EML1: variants seen among roughly 807,000 people sequenced by gnomAD.
EML1 encodes EMAP like 1.
A neutral mutation model predicts 110.4 loss-of-function variants in EML1; 27 were observed. That is an observed-to-expected ratio of 0.24 (90% CI 0.18 to 0.34). EML1 has a LOEUF of 0.34. Among genes scored for constraint, EML1 ranks in the 10% least tolerant of loss-of-function variants. EML1 has a pLI of 1.00. For missense variants in EML1, 741 were observed against 1,030.9 expected, an observed-to-expected ratio of 0.72 and a Z score of 3.85; for synonymous variants, 344 against 385.8, an observed-to-expected ratio of 0.89 and a Z score of 1.27.
intron 1 of EML1, among the ~76,000 whole-genome samples, chr14:99,844,077 C>G (rs921988664): frequency 1.3e-5 from 2 of 152,186 alleles, no homozygotes; most frequent in Non-Finnish European, 2.9e-5. Flanking sequence ...CACTTAAGGA[C>G]AGTCTCTTTC....
chr14:99,831,927 T>G (rs1375006594), intron 1 of EML1, among the ~76,000 whole-genome samples: 5 of 152,152 alleles, frequency 3.3e-5, no homozygotes, highest in Non-Finnish European at 5.9e-5. Flanking sequence ...CTGAGCATAT[T>G]TAAATGAACA....
intron 1 of EML1, chr14:99,838,918 C>CGCGTGTGTGT (rs3071409): frequency 4.5e-4 from 15 of 33,644 alleles, no homozygotes; most frequent in African/African-American, 1.2e-3. Flanking sequence ...CGCGCGCGCG[C>CGCGTGTGTGT]GTGTGTGTGT....
intron 1 of EML1, among the ~76,000 whole-genome samples, chr14:99,803,579 A>G (rs1257687903): frequency 1.3e-5 from 2 of 152,188 alleles, no homozygotes; most frequent in Admixed American, 6.5e-5. Flanking sequence ...TTGCTGCTGA[A>G]TGCCTCTCGC....
intron 4 of EML1, among the ~76,000 whole-genome samples, chr14:99,890,245 T>C (rs1361112469): frequency 1.3e-5 from 2 of 152,208 alleles, no homozygotes; most frequent in Admixed American, 1.3e-4. Flanking sequence ...GTTTATTTCC[T>C]GTGTCGTCTT....
At chr14:99,787,921 C>T (rs751236483) in intron 1 of EML1, among the ~76,000 whole-genome samples, 2 of 152,196 alleles carry the variant, frequency 1.3e-5, no homozygotes, top group Non-Finnish European at 2.9e-5. Flanking sequence ...CAAGTAAGGT[C>T]ACATTCTGAG....
intron 8 of EML1, chr14:99,899,489 G>C (rs982340693): frequency 5.1e-4 from 77 of 151,846 alleles, no homozygotes; most frequent in African/African-American, 1.7e-3. Context: ...GTTAATTTTT[G>C]TATTTTTGGT....
At chr14:99,796,936 T>TGTGTGTGTGTGTGA (rs368044152) in intron 1 of EML1, among the ~76,000 whole-genome samples, 2 of 150,030 alleles carry the variant, frequency 1.3e-5, no homozygotes, top group African/African-American at 2.5e-5. Flanking sequence ...TGTGTGTGTG[T>TGTGTGTGTGTGTGA]GAGAGAGTAA....
chr14:99,814,301 C>T (rs1386685374), intron 1 of EML1, among the ~76,000 whole-genome samples: 9 of 152,302 alleles, frequency 5.9e-5, no homozygotes, highest in Non-Finnish European at 8.8e-5. Context: ...GACCAGATCT[C>T]GCTTTGTCAC....
At chr14:99,925,249 T>TA (rs2060212861) in intron 17 of EML1, among the ~76,000 whole-genome samples, 2 of 152,036 alleles carry the variant, frequency 1.3e-5, no homozygotes, top group African/African-American at 4.8e-5. Context: ...CTTTACTTCT[T>TA]ACAAGTCTAT....
chr14:99,756,952 C>T (rs978488935), intron 1 of EML1, among the ~76,000 whole-genome samples: 1 of 152,140 alleles, frequency 6.6e-6, no homozygotes, highest in Non-Finnish European at 1.5e-5. Flanking sequence ...TGCTCCTGTG[C>T]CCACAATGAC....
At chr14:99,777,625 G>C (rs2140210831) in intron 1 of EML1, among the ~76,000 whole-genome samples, 1 of 152,188 alleles carries the variant, frequency 6.6e-6, no homozygotes, top group South Asian at 2.1e-4. Flanking sequence ...TCACCACGTT[G>C]GCCAGGCTTG....
intron 1 of EML1, among the ~76,000 whole-genome samples, chr14:99,822,277 A>G (rs1481132209): frequency 6.6e-6 from 1 of 152,256 alleles, no homozygotes; most frequent in East Asian, 1.9e-4. Context: ...CAGGCACTAT[A>G]TATGAGAATA....
intron 3 of EML1, among the ~76,000 whole-genome samples, chr14:99,872,308 G>A (rs1378328292): frequency 1.3e-5 from 2 of 152,192 alleles, no homozygotes; most frequent in Admixed American, 1.3e-4. Context: ...AGGGAGGGAG[G>A]AAGGGAGCAA....
At chr14:99,807,565 T>C (rs1289109067) in intron 1 of EML1, among the ~76,000 whole-genome samples, 3 of 152,100 alleles carry the variant, frequency 2.0e-5, no homozygotes, top group African/African-American at 4.8e-5. Context: ...GAGGGGCAGT[T>C]ACCAGACCTG....
chr14:99,746,278 A>G (rs2057107041), intron 1 of EML1, among the ~76,000 whole-genome samples: 1 of 152,064 alleles, frequency 6.6e-6, no homozygotes, highest in South Asian at 2.1e-4. Flanking sequence ...GAAAAGTGGC[A>G]CTCTTTTCCA....
At chr14:99,887,742 TC>T (rs2059506188) in intron 4 of EML1, among the ~76,000 whole-genome samples, 1 of 152,208 alleles carries the variant, frequency 6.6e-6, no homozygotes, top group Non-Finnish European at 1.5e-5. Context: ...AAGGACCCAC[TC>T]TCAATTTGAG....
chr14:99,786,374 T>C (rs534368650), intron 1 of EML1, among the ~76,000 whole-genome samples: 2 of 152,344 alleles, frequency 1.3e-5, no homozygotes, highest in South Asian at 4.1e-4. Context: ...GCAACCACTT[T>C]TGTCCAGAGT....
chr14:99,904,725 C>T (rs1421005958), intron 9 of EML1, among the ~76,000 whole-genome samples: 1 of 152,184 alleles, frequency 6.6e-6, no homozygotes, highest in African/African-American at 2.4e-5. Flanking sequence ...CCACGTGTTA[C>T]AAGGTCAAGC....
At chr14:99,768,746 T>C (rs1444767767), upstream of EML1, among the ~76,000 whole-genome samples, 1 of 147,348 alleles carries the variant, frequency 6.8e-6, no homozygotes, top group Non-Finnish European at 1.5e-5. Flanking sequence ...TCAGATGGAG[T>C]CTCCCTTTGT....
Sources: gnomAD v4.1 joint callset for allele counts (sites outside exome capture counted in the v4.1 genomes callset) on GRCh38, gnomAD v4.1.1 for gene constraint, MANE v1.5 for transcripts, NCBI Gene and HGNC (gene_info 2026-07-23, HGNC 2026-07-21) for gene names.